The following FAM174B variants were observed in gnomAD, a reference collection of about 807,000 sequenced individuals.
FAM174B encodes the protein family with sequence similarity 174 member B, also known as membrane protein FAM174B.
FAM174B carries 12 observed loss-of-function variants against 10.9 expected under a neutral mutation model. The ratio of observed to expected loss-of-function variants is 1.10; its 90% CI spans 0.71 to 1.79. The LOEUF is 1.79. Among genes scored for constraint, FAM174B ranks in the 40% most tolerant of loss-of-function variants. The pLI is 0.00. For synonymous variants in FAM174B, 132 were observed against 115.8 expected, an observed-to-expected ratio of 1.14 and a Z score of -0.90; for missense variants, 266 against 233.3, an observed-to-expected ratio of 1.14 and a Z score of -0.91.
Position 92,619,357 on chromosome 15 carries a change from A to G in FAM174B, c.*99T>C. Reference sequence around the variant, plus strand: ...ATACATAACGTTCGTTTTGGTTTCAACACCTCCGACGCAAGAGGGCTTCCA... The same window carrying G: ...ATACATAACGTTCGTTTTGGTTTCAGCACCTCCGACGCAAGAGGGCTTCCA... On this transcript the variant is annotated 3_prime_UTR_variant, in exon 3 of 3. Coordinates refer to ENST00000327355, the MANE Select transcript of FAM174B (RefSeq NM_207446.3). 6.9e-7 allele frequency: 1 copy of G among 1,453,082 alleles called. No individual in the cohort carries two copies. Among genetic ancestry groups the G allele is most frequent in the South Asian group, 1.2e-5 (1 of 86,564 alleles). 90.0% of individuals were successfully genotyped at this position (1,453,082 alleles called of 1,614,324 possible).
intron 1 of FAM174B, among the ~76,000 whole-genome samples, chr15:92,645,287 C>T (rs2050918872): frequency 6.6e-6 from 1 of 152,236 alleles, no homozygotes; most frequent in Admixed American, 6.5e-5. Context: ...CAAGTGTTAG[C>T]ACTGTTGGTT....
intron 1 of FAM174B, among the ~76,000 whole-genome samples, chr15:92,641,550 G>A (rs900411326): frequency 6.6e-6 from 1 of 152,160 alleles, no homozygotes; most frequent in African/African-American, 2.4e-5. Context: ...AAGGTAAAAA[G>A]CATAGTGTAT....
intron 1 of FAM174B, among the ~76,000 whole-genome samples, chr15:92,632,199 T>G (rs886457647): frequency 2.0e-5 from 3 of 152,236 alleles, no homozygotes; most frequent in Non-Finnish European, 4.4e-5. Flanking sequence ...GGAAAATGGT[T>G]ACAACACTAC....
At chr15:92,640,807 G>C (rs904935494) in intron 1 of FAM174B, among the ~76,000 whole-genome samples, 6 of 151,894 alleles carry the variant, frequency 4.0e-5, no homozygotes, top group African/African-American at 1.5e-4. Context: ...ACCACACTCA[G>C]CCAATTTTTG....
intron 2 of FAM174B, among the ~76,000 whole-genome samples, chr15:92,625,374 C>A (rs1279731948): frequency 6.6e-6 from 1 of 152,200 alleles, no homozygotes; most frequent in Non-Finnish European, 1.5e-5. Flanking sequence ...TGATTTTCCT[C>A]TTTCCACCCA....
intron 1 of FAM174B, among the ~76,000 whole-genome samples, chr15:92,635,436 C>T (rs1269087140): frequency 6.6e-6 from 1 of 152,110 alleles, no homozygotes; most frequent in Non-Finnish European, 1.5e-5. Context: ...CATCGAGACA[C>T]GTTCCCAGCT....
In FAM174B at chr15:92,619,080, G is replaced by C; in HGVS notation, c.*376C>G. On this transcript the variant is annotated 3_prime_UTR_variant, in exon 3 of 3. Coordinates refer to ENST00000327355, the MANE Select transcript of FAM174B (RefSeq NM_207446.3). ...TTGGACATCCTTCAGGCTTGTTTTAGATTCTTGATCCTCCTGATCTCTTTT... is the reference window on the plus strand; with the variant it reads ...TTGGACATCCTTCAGGCTTGTTTTACATTCTTGATCCTCCTGATCTCTTTT... The C allele has an allele frequency of 1.6e-6, 1 of 625,536 alleles. No individual in the cohort carries two copies. The highest frequency in any genetic ancestry group is 1.9e-5 in the South Asian group (1 of 52,394). 38.7% of individuals were successfully genotyped at this position (625,536 alleles called of 1,614,324 possible).
At position 92,619,470 on chromosome 15, in the gene FAM174B, G is replaced by T; in HGVS notation, c.477-11C>A. ...GGAAACAGGTTTTACCTAAAAGAAA[G>T]GGAAGGACAAGAGTAAGCCCCTTCT... is the stretch of plus-strand genomic sequence containing the variant. On this transcript the variant is annotated splice_polypyrimidine_tract_variant and intron_variant, in intron 2 of 2. Transcript: ENST00000327355. 1 of 1,613,548 alleles carries T rather than the reference G, an allele frequency of 6.2e-7. No homozygotes were observed. Among genetic ancestry groups the T allele is most frequent in the South Asian group, 1.1e-5 (1 of 91,056 alleles).
chr15:92,631,481 A>ATT lies in FAM174B; in HGVS notation c.345-1138_345-1137dup, dbSNP rs1193767436. On this transcript the variant is annotated intron_variant, in intron 1 of 2. Transcript: ENST00000327355. ...ATATATTATATATAATTTATAATATATTATATATATATATAATTCTTTTTT... is the reference window on the plus strand; with the variant it reads ...ATATATTATATATAATTTATAATATATTTTATATATATATATAATTCTTTTTT... Among the ~76,000 whole-genome samples the ATT allele has an allele frequency of 7.5e-3, 14 of 1,876 alleles. 1 individual carries two copies. The highest frequency in any genetic ancestry group is 0.025 in the Admixed American group (1 of 40). 1.2% of individuals were successfully genotyped at this position (1,876 alleles called of 152,430 possible). A position where few individuals can be genotyped will look rare whatever the true frequency, so the allele number is the denominator to read the frequency against.
intron 2 of FAM174B, 31 bp downstream of exon 2, chr15:92,630,183 C>T: frequency 6.2e-7 from 1 of 1,609,342 alleles, no homozygotes; most frequent in Non-Finnish European, 8.5e-7. Context: ...TGCCCCAAGC[C>T]CAGGAGGAAG....
In FAM174B at chr15:92,631,276, T is replaced by TA. The variant is rs2050804537; in HGVS notation, c.345-932dup. 2.7e-4 allele frequency among the ~76,000 whole-genome samples: 3 copies of TA among 11,296 alleles called. 1 individual carries two copies. Among genetic ancestry groups the TA allele is most frequent in the African/African-American group, 1.1e-3 (3 of 2,840 alleles). The allele number at this position is 11,296 out of a possible 152,430, so 7.4% of individuals were successfully genotyped here. On this transcript the variant is annotated intron_variant, in intron 1 of 2. Transcript: ENST00000327355. ...ATATAATATATTATATATTATATTA[T>TA]ATATAATATATTATATATTATATAT... is the stretch of plus-strand genomic sequence containing the variant.
At chr15:92,649,169 G>C (rs564582270) in intron 1 of FAM174B, among the ~76,000 whole-genome samples, 1 of 152,366 alleles carries the variant, frequency 6.6e-6, no homozygotes, top group South Asian at 2.1e-4. Flanking sequence ...GCCTACATGG[G>C]CATGAAAGTC....
intron 1 of FAM174B, among the ~76,000 whole-genome samples, chr15:92,635,579 CTT>C (rs34666199): frequency 0.01 from 1,340 of 128,190 alleles, 10 homozygotes; most frequent in Non-Finnish European, 0.014. Context: ...ATATTTCTTT[CTT>C]TTTTTTTTTT....
At position 92,631,191 on chromosome 15, in the gene FAM174B, T is replaced by TAA. The variant is rs2050799144; in HGVS notation, c.345-847_345-846insTT. Among the ~76,000 whole-genome samples, 2 of 24,964 alleles carry TAA rather than the reference T, an allele frequency of 8.0e-5. 1 individual carries two copies. The highest frequency in any genetic ancestry group is 1.7e-4 in the Non-Finnish European group (2 of 11,890). 16.4% of individuals were successfully genotyped at this position (24,964 alleles called of 152,430 possible). On this transcript the variant is annotated intron_variant, in intron 1 of 2. Transcript: ENST00000327355. ...AATAATTTATATATTATATTATATA[T>TAA]TATATATATTACATATATTATATAT...
chr15:92,634,436 A>T (rs2050839799), intron 1 of FAM174B: 1 of 152,186 alleles, frequency 6.6e-6, no homozygotes, highest in African/African-American at 2.4e-5. Context: ...TGAATCCCTG[A>T]CACCTATAAA....
intron 1 of FAM174B, among the ~76,000 whole-genome samples, chr15:92,643,170 T>C (rs902931569): frequency 6.6e-6 from 1 of 151,904 alleles, no homozygotes; most frequent in Non-Finnish European, 1.5e-5. Flanking sequence ...GGTCTGGCTA[T>C]GTTGACCAGG....
At chr15:92,646,096 G>A (rs1330861312) in intron 1 of FAM174B, among the ~76,000 whole-genome samples, 1 of 151,228 alleles carries the variant, frequency 6.6e-6, no homozygotes, top group Non-Finnish European at 1.5e-5. Context: ...CAGGCCTCCA[G>A]TCCTCCCAAG....
At position 92,655,662 on chromosome 15, in the gene FAM174B, T is replaced by C. The variant is rs781145885; in HGVS notation, c.-3A>G. 22 of 1,257,602 alleles carry C rather than the reference T, an allele frequency of 1.7e-5. No homozygotes were observed. The Admixed American group carries it at 5.0e-4, about 29-fold the overall frequency. The allele number at this position is 1,257,602 out of a possible 1,614,324, so 77.9% of individuals were successfully genotyped here. A position where few individuals can be genotyped will look rare whatever the true frequency, so the allele number is the denominator to read the frequency against. ...GCGGGCAGCGGCACGGCGCGCATAG[T>C]GCGGTGGGTCGGCACAGGATCGGGC... On this transcript the variant is annotated 5_prime_UTR_variant, in exon 1 of 3. Transcript: ENST00000327355.
chr15:92,650,209 A>G (rs2050956825), intron 1 of FAM174B, among the ~76,000 whole-genome samples: 1 of 152,238 alleles, frequency 6.6e-6, no homozygotes, highest in Non-Finnish European at 1.5e-5. Context: ...TAGAGAATTT[A>G]GGAAATACAA....
Sources: gnomAD v4.1 joint callset for allele counts (sites outside exome capture counted in the v4.1 genomes callset) on GRCh38, gnomAD v4.1.1 for gene constraint, MANE v1.5 for transcripts, NCBI Gene and HGNC (gene_info 2026-07-23, HGNC 2026-07-21) for gene names.